The following SLCO2A1 variants were observed in gnomAD, a reference collection of about 807,000 sequenced individuals.
SLCO2A1 encodes matrin F/G 1.
SLCO2A1 carries 60 observed loss-of-function variants against 71.7 expected under a neutral mutation model. The ratio of observed to expected loss-of-function variants is 0.84; its 90% confidence interval spans 0.68 to 1.04. The LOEUF (loss-of-function observed/expected upper bound fraction) is 1.04. SLCO2A1 is among the 50% of genes least tolerant of loss of function. The pLI is 0.00. For missense variants in SLCO2A1, 745 were observed against 813.4 expected (o/e 0.92, Z 1.02); for synonymous variants, 308 against 326.7 (o/e 0.94, Z 0.62).
At chr3:134,023,276 T>C (rs1446986303) in intron 1 of SLCO2A1, among the ~76,000 whole-genome samples, 1 of 152,216 alleles carries the variant, frequency 6.6e-6, no homozygotes, top group East Asian at 1.9e-4. Context: ...TTTTAATCTA[T>C]TCTATTACTC....
chr3:134,012,278 G>T (rs1935360797), intron 1 of SLCO2A1, among the ~76,000 whole-genome samples: 1 of 152,168 alleles, frequency 6.6e-6, no homozygotes, highest in Non-Finnish European at 1.5e-5. Flanking sequence ...ACTAGAAACA[G>T]TGAAGCAAGT....
intron 1 of SLCO2A1, among the ~76,000 whole-genome samples, chr3:133,995,397 G>T (rs1022273492): frequency 9.2e-5 from 14 of 152,076 alleles, no homozygotes; most frequent in Admixed American, 4.6e-4. Flanking sequence ...CTGCCTCTCC[G>T]TACCAAGCTA....
rs924690719 is a variant in SLCO2A1 at position 133,973,594 on chromosome 3, A to G, written c.397+69T>C. 21 of 1,537,602 alleles carry G rather than the reference A, an allele frequency of 1.4e-5. No individual in the cohort carries two copies. In the East Asian group the frequency reaches 4.7e-4, roughly 35 times the overall value. On this transcript the variant is annotated intron_variant, in intron 3 of 13. Coordinates refer to ENST00000310926, the MANE Select transcript of SLCO2A1 (RefSeq NM_005630.3). ...GAGTGGTATCCACTGCCCTAGGAGT[A>G]TCCCCACTAACTTTGTGAGATGTTC...
chr3:133,954,955 C>G lies in SLCO2A1; in HGVS notation c.625+11G>C, dbSNP rs369558298. 2 of 1,609,820 alleles carry G rather than the reference C, an allele frequency of 1.2e-6. No individual in the cohort carries two copies. Among genetic ancestry groups the G allele is most frequent in the Non-Finnish European group, 1.7e-6 (2 of 1,176,938 alleles). On this transcript the variant is annotated intron_variant, in intron 4 of 13. Coordinates refer to ENST00000310926, the MANE Select transcript of SLCO2A1 (RefSeq NM_005630.3). Reference sequence around the variant, plus strand: ...CCCCTCCCCAAAGCCCTCTTCAAGCCGGTGACTCACAGATGTACAGGGGCG... The same window carrying G: ...CCCCTCCCCAAAGCCCTCTTCAAGCGGGTGACTCACAGATGTACAGGGGCG...
At chr3:133,942,967 G>A (rs933043547) in intron 10 of SLCO2A1, among the ~76,000 whole-genome samples, 199 bp from the exon 11 acceptor site, 30 of 152,296 alleles carry the variant, frequency 2.0e-4, no homozygotes, top group Admixed American at 5.9e-4. Flanking sequence ...CTCTGTCACT[G>A]TTTGGGCAAC....
In SLCO2A1 at chr3:133,933,776, G is replaced by A; in HGVS notation, c.*937C>T. On this transcript the variant is annotated 3_prime_UTR_variant, in exon 14 of 14. Coordinates refer to ENST00000310926, the MANE Select transcript of SLCO2A1 (RefSeq NM_005630.3). Reference sequence around the variant, plus strand: ...GAATACGGGCTGAAGTCCAGACAGGGAAGTGCATGTGAAGCCACCTCATCT... The same window carrying A: ...GAATACGGGCTGAAGTCCAGACAGGAAAGTGCATGTGAAGCCACCTCATCT... The A allele has an allele frequency of 6.6e-6, 1 of 152,362 alleles. No homozygotes were observed. 9.4% of individuals were successfully genotyped at this position (152,362 alleles called of 1,614,324 possible).
intron 3 of SLCO2A1, among the ~76,000 whole-genome samples, chr3:133,960,268 C>T (rs980313654): frequency 9.2e-5 from 14 of 152,178 alleles, no homozygotes; most frequent in Admixed American, 4.6e-4. Context: ...ATATTCAGAG[C>T]ACTATCTTCC....
At position 133,951,345 on chromosome 3, in the gene SLCO2A1, C is replaced by T; in HGVS notation, c.725-1G>A. 2 of 1,613,986 alleles carry T rather than the reference C, an allele frequency of 1.2e-6. No homozygotes were observed. Among genetic ancestry groups the T allele is most frequent in the Non-Finnish European group, 1.7e-6 (2 of 1,179,964 alleles). On this transcript the variant is annotated splice_acceptor_variant, in intron 5 of 13. Coordinates refer to ENST00000310926, the MANE Select transcript of SLCO2A1 (RefSeq NM_005630.3). LOFTEE classifies it high-confidence loss of function. The stretch of plus-strand genomic sequence containing the variant: ...TCACCCGGGACCAAGTTAACTGCAG[C>T]TGAAGAGAAAACGAAGAGTGCAAAT...
Position 133,933,846 on chromosome 3 carries a change from A to AG in SLCO2A1, c.*866dup, listed in dbSNP as rs1933201190. ...AGGTTCTTCCCATTACTCTGAGATG[A>AG]GGGGGTCTCGTCCCCACATTGAAGG... is the stretch of plus-strand genomic sequence containing the variant. On this transcript the variant is annotated 3_prime_UTR_variant, in exon 14 of 14. Coordinates refer to ENST00000310926, the MANE Select transcript of SLCO2A1 (RefSeq NM_005630.3). 6.6e-6 allele frequency: 1 copy of AG among 152,196 alleles called. No homozygotes were observed. Among genetic ancestry groups the AG allele is most frequent in the Non-Finnish European group, 1.5e-5 (1 of 68,062 alleles). 9.4% of individuals were successfully genotyped at this position (152,196 alleles called of 1,614,324 possible). A position where few individuals can be genotyped will look rare whatever the true frequency, so the allele number is the denominator to read the frequency against.
intron 10 of SLCO2A1, among the ~76,000 whole-genome samples, chr3:133,943,698 G>A (rs1009610312): frequency 3.3e-5 from 5 of 152,152 alleles, no homozygotes; most frequent in Admixed American, 6.5e-5. Context: ...TCTGGAAGTA[G>A]GTGACTCAGA....
Position 133,934,501 on chromosome 3 carries a change from G to T in SLCO2A1, c.*212C>A, listed in dbSNP as rs1429311174. Reference sequence around the variant, plus strand: ...GGGCCAGGGAAGACTCAGCCCCCCAGTTCTGGCCCACACAGCCCGGGTACA... The same window carrying T: ...GGGCCAGGGAAGACTCAGCCCCCCATTTCTGGCCCACACAGCCCGGGTACA... On this transcript the variant is annotated 3_prime_UTR_variant, in exon 14 of 14. Transcript: ENST00000310926. 2 of 479,464 alleles carry T rather than the reference G, an allele frequency of 4.2e-6. No individual in the cohort carries two copies. Among genetic ancestry groups the T allele is most frequent in the East Asian group, 3.8e-5 (1 of 26,462 alleles). The allele number at this position is 479,464 out of a possible 1,614,324, so 29.7% of individuals were successfully genotyped here.
rs1933225608 is a variant in SLCO2A1, at chr3:133,934,774, A to G, written c.1871T>C (p.Ile624Thr). Residue 624 changes from isoleucine (I) to threonine (T), a missense_variant, in exon 14 of 14, where the codon ATC becomes ACC. Ile to Thr is a moderately conservative substitution (Grantham distance 89). Transcript: ENST00000310926. ...CTTGTTCTTCTTCACCCTCCAGCTG[A>G]TGAAGCAAAGCAGCAGCATGCCCAG... ...KALGMLLLCF[I>T]SWRVKKNKEY... The G allele has an allele frequency of 6.2e-7, 1 of 1,613,096 alleles. No individual in the cohort carries two copies. Among genetic ancestry groups the G allele is most frequent in the Non-Finnish European group, 8.5e-7 (1 of 1,179,996 alleles).
chr3:134,013,793 G>A (rs1935388263), intron 1 of SLCO2A1, among the ~76,000 whole-genome samples: 1 of 152,204 alleles, frequency 6.6e-6, no homozygotes, highest in Non-Finnish European at 1.5e-5. Flanking sequence ...CACATAGATT[G>A]TGGAGGACAA....
intron 3 of SLCO2A1, chr3:133,955,414 T>G (rs1051450914): frequency 7.2e-6 from 4 of 555,260 alleles, no homozygotes. Flanking sequence ...GAATGTGGGC[T>G]CCCCGGCCCC....
At chr3:133,953,287 TCAGCCTC>T (rs1308004008) in intron 5 of SLCO2A1, among the ~76,000 whole-genome samples, 4 of 152,218 alleles carry the variant, frequency 2.6e-5, no homozygotes, top group African/African-American at 9.6e-5. Flanking sequence ...TCCACCCGCC[TCAGCCTC>T]CCAAAGTGCT....
At chr3:134,029,582 A>T (rs1466920358) in intron 1 of SLCO2A1, 125 bp downstream of exon 1, 3 of 663,464 alleles carry the variant, frequency 4.5e-6, no homozygotes, top group Non-Finnish European at 7.4e-6. Context: ...ATGAGATCGG[A>T]GCGCGGCACA....
intron 8 of SLCO2A1, 113 bp downstream of exon 8, chr3:133,948,423 C>A (rs113215923): frequency 2.7e-6 from 3 of 1,128,078 alleles, no homozygotes; most frequent in Non-Finnish European, 3.8e-6. Context: ...AGTCCTCCTC[C>A]GGACCCTGCC....
intron 2 of SLCO2A1, among the ~76,000 whole-genome samples, chr3:133,977,808 C>G (rs1934495604): frequency 6.6e-6 from 1 of 152,108 alleles, no homozygotes. Flanking sequence ...GAGGGTCATT[C>G]TGTGTGAATG....
chr3:133,971,355 C>T (rs1054112330), intron 3 of SLCO2A1, among the ~76,000 whole-genome samples: 1 of 152,230 alleles, frequency 6.6e-6, no homozygotes, highest in Admixed American at 6.5e-5. Flanking sequence ...GCCTGGGGCT[C>T]GGATCTTTCC....
Sources: allele counts gnomAD v4.1 joint callset (sites outside exome capture counted in the v4.1 genomes callset), GRCh38; gene constraint gnomAD v4.1.1; transcripts MANE v1.5; gene names NCBI Gene and HGNC (gene_info 2026-07-23, HGNC 2026-07-21).